TTC33: variants seen among roughly 807,000 people sequenced by gnomAD.
TTC33 encodes the protein tetratricopeptide repeat domain 33, also known as tetratricopeptide repeat protein 33.
Under a neutral mutation model 29.4 loss-of-function variants are expected in TTC33, and 24 were observed. The observed-to-expected ratio is 0.82, with a 90% CI of 0.59 to 1.15. The LOEUF (loss-of-function observed/expected upper bound fraction) is 1.15. TTC33 is among the 50% of genes most tolerant of loss of function. TTC33 has a pLI of 0.00. For missense variants in TTC33, 286 were observed against 310.4 expected, an observed-to-expected ratio of 0.92 and a Z score of 0.59; for synonymous variants, 107 against 100.3, an observed-to-expected ratio of 1.07 and a Z score of -0.40.
In TTC33 at chr5:40,715,662, AAATG is replaced by A. The variant is rs2111857339; in HGVS notation, c.*479_*482del. 1 of 152,762 alleles carries A rather than the reference AAATG, an allele frequency of 6.5e-6. No individual in the cohort carries two copies. The highest frequency in any genetic ancestry group is 2.4e-5 in the African/African-American group (1 of 41,608). The allele number at this position is 152,762 out of a possible 1,614,324, so 9.5% of individuals were successfully genotyped here. On this transcript the variant is annotated 3_prime_UTR_variant, in exon 5 of 5. Coordinates refer to ENST00000337702, the MANE Select transcript of TTC33 (RefSeq NM_012382.3). ...ATAACCAAATGACAACTTTGAATCA[AAATG>A]AATGTCAAAAATATTCAAGCTTTCT...
rs1741910399 is a variant in TTC33 at position 40,712,172 on chromosome 5, C to T, written c.*3973G>A. Reference sequence around the variant, plus strand: ...ATCTAGAGTCAACAATGTGGTCTGTCACAATTCCAACTCAGCAGACCTTTT... The same window carrying T: ...ATCTAGAGTCAACAATGTGGTCTGTTACAATTCCAACTCAGCAGACCTTTT... On this transcript the variant is annotated 3_prime_UTR_variant, in exon 5 of 5. Transcript: ENST00000337702. 6.6e-6 allele frequency among the ~76,000 whole-genome samples: 1 copy of T among 152,074 alleles called. No individual in the cohort carries two copies. The highest frequency in any genetic ancestry group is 2.4e-5 in the African/African-American group (1 of 41,416).
intron 2 of TTC33, among the ~76,000 whole-genome samples, chr5:40,741,557 G>T (rs1453596548): frequency 1.3e-5 from 2 of 152,178 alleles, no homozygotes; most frequent in East Asian, 1.9e-4. Context: ...CTCTTCTCTG[G>T]TACTCTACTC....
In TTC33 at chr5:40,715,622, T is replaced by C. The variant is rs1741981566; in HGVS notation, c.*523A>G. The stretch of plus-strand genomic sequence containing the variant: ...TTTGTGTGCATTTTCAGCCAAACTT[T>C]CAAAGATTCCACATATAACCAAATG... On this transcript the variant is annotated 3_prime_UTR_variant, in exon 5 of 5. Transcript: ENST00000337702. 6.6e-6 allele frequency: 1 copy of C among 152,386 alleles called. No individual in the cohort carries two copies. Among genetic ancestry groups the C allele is most frequent in the Admixed American group, 6.5e-5 (1 of 15,284 alleles). 9.4% of individuals were successfully genotyped at this position (152,386 alleles called of 1,614,324 possible).
intron 4 of TTC33, among the ~76,000 whole-genome samples, chr5:40,725,141 C>A (rs1262914329): frequency 1.3e-5 from 2 of 151,648 alleles, no homozygotes; most frequent in Non-Finnish European, 2.9e-5. Flanking sequence ...AGCCACCATG[C>A]CCAGCCAAAT....
intron 2 of TTC33, among the ~76,000 whole-genome samples, chr5:40,738,528 AC>A (rs1742614449): frequency 1.1e-4 from 15 of 133,908 alleles, no homozygotes; most frequent in South Asian, 2.7e-4. Context: ...AAAATAAAAT[AC>A]AATAAAATAC....
intron 4 of TTC33, among the ~76,000 whole-genome samples, chr5:40,720,417 T>A (rs1472178673): frequency 6.6e-6 from 1 of 152,224 alleles, no homozygotes; most frequent in Non-Finnish European, 1.5e-5. Context: ...ACATTATGCC[T>A]ATCTAAGTAC....
chr5:40,738,443 A>AC (rs1337129107), intron 2 of TTC33, among the ~76,000 whole-genome samples: 434 of 117,150 alleles, frequency 3.7e-3, no homozygotes, highest in Non-Finnish European at 4.9e-3. Flanking sequence ...AATATAAAAT[A>AC]AAATACAATA....
intron 4 of TTC33, among the ~76,000 whole-genome samples, chr5:40,717,491 T>G (rs1028589675): frequency 3.3e-5 from 5 of 152,192 alleles, no homozygotes; most frequent in Non-Finnish European, 7.3e-5. Context: ...ACCTCAGCAC[T>G]ACTGACATAT....
intron 2 of TTC33, among the ~76,000 whole-genome samples, chr5:40,741,449 G>A (rs979899900): frequency 6.6e-6 from 1 of 152,112 alleles, no homozygotes; most frequent in Non-Finnish European, 1.5e-5. Context: ...CATTTTCCCT[G>A]GATTTACAGA....
At chr5:40,722,341 T>C (rs548099895) in intron 4 of TTC33, among the ~76,000 whole-genome samples, 1 of 152,092 alleles carries the variant, frequency 6.6e-6, no homozygotes, top group Non-Finnish European at 1.5e-5. Flanking sequence ...GTCTAGGAAG[T>C]GAGGAGCGTC....
intron 2 of TTC33, among the ~76,000 whole-genome samples, chr5:40,733,852 G>GT (rs1316386184): frequency 6.6e-6 from 1 of 152,088 alleles, no homozygotes. Context: ...ACCATCACTA[G>GT]TTTTTTCTTT....
At position 40,712,622 on chromosome 5, in the gene TTC33, G is replaced by A. The variant is rs1034067535; in HGVS notation, c.*3523C>T. On this transcript the variant is annotated 3_prime_UTR_variant, in exon 5 of 5. Transcript: ENST00000337702. ...AGAGGCAAAGAACTTTCACTGCAAGGTTCACAATGTAGCTGGCAAGAGACC... is the reference window on the plus strand; with the variant it reads ...AGAGGCAAAGAACTTTCACTGCAAGATTCACAATGTAGCTGGCAAGAGACC... 2.6e-5 allele frequency among the ~76,000 whole-genome samples: 4 copies of A among 152,170 alleles called. No homozygotes were observed. Among genetic ancestry groups the A allele is most frequent in the Non-Finnish European group, 4.4e-5 (3 of 68,038 alleles).
intron 4 of TTC33, among the ~76,000 whole-genome samples, chr5:40,722,623 C>T (rs529528129): frequency 1.1e-4 from 16 of 151,002 alleles, no homozygotes; most frequent in African/African-American, 1.7e-4. Flanking sequence ...GGAGCCCCTC[C>T]GCCCAGCAGC....
At chr5:40,722,349 G>T (rs142676770) in intron 4 of TTC33, among the ~76,000 whole-genome samples, 1 of 151,806 alleles carries the variant, frequency 6.6e-6, no homozygotes, top group African/African-American at 2.4e-5. Context: ...AGTGAGGAGC[G>T]TCTCTGCCTG....
intron 4 of TTC33, among the ~76,000 whole-genome samples, chr5:40,720,730 G>A (rs1361550435): frequency 6.6e-6 from 1 of 152,090 alleles, no homozygotes; most frequent in Non-Finnish European, 1.5e-5. Flanking sequence ...CTGCACCCTG[G>A]ATGAATAAGA....
At chr5:40,727,329 A>G (rs1329436665) in intron 4 of TTC33, among the ~76,000 whole-genome samples, 1 of 152,224 alleles carries the variant, frequency 6.6e-6, no homozygotes, top group Admixed American at 6.5e-5. Flanking sequence ...TTGGCACTGT[A>G]TATTAGATTT....
chr5:40,754,655 G>A (rs1399027345), intron 1 of TTC33, among the ~76,000 whole-genome samples: 1 of 152,242 alleles, frequency 6.6e-6, no homozygotes, highest in East Asian at 1.9e-4. Flanking sequence ...GGAAACCACA[G>A]AGTACAGTCA....
chr5:40,714,116 A>G lies in TTC33; in HGVS notation c.*2029T>C, dbSNP rs1379795383. 1.3e-5 allele frequency among the ~76,000 whole-genome samples: 2 copies of G among 152,220 alleles called. No homozygotes were observed. The highest frequency in any genetic ancestry group is 3.8e-4 in the East Asian group (2 of 5,200). On this transcript the variant is annotated 3_prime_UTR_variant, in exon 5 of 5. Coordinates refer to ENST00000337702, the MANE Select transcript of TTC33 (RefSeq NM_012382.3). Reference sequence around the variant, plus strand: ...TCTTATAACAGGGCCTAGTGGCCACATGCATTCCATCCTGAGTCTTGCCTC... The same window carrying G: ...TCTTATAACAGGGCCTAGTGGCCACGTGCATTCCATCCTGAGTCTTGCCTC...
At chr5:40,720,065 T>G (rs574122510) in intron 4 of TTC33, among the ~76,000 whole-genome samples, 1 of 152,344 alleles carries the variant, frequency 6.6e-6, no homozygotes, top group South Asian at 2.1e-4. Flanking sequence ...ATCTACTTTT[T>G]TCTTTTGTTG....
Sources: gnomAD v4.1 joint callset for allele counts (sites outside exome capture counted in the v4.1 genomes callset) on GRCh38, gnomAD v4.1.1 for gene constraint, MANE v1.5 for transcripts, NCBI Gene and HGNC (gene_info 2026-07-23, HGNC 2026-07-21) for gene names.